The following LRP1B variants were observed in gnomAD, a reference collection of about 807,000 sequenced individuals.
LRP1B encodes the protein LDL receptor related protein 1B.
LRP1B carries 217 observed loss-of-function variants against 556.6 expected under a neutral mutation model. The observed-to-expected ratio is 0.39, with a 90% CI of 0.35 to 0.44. The LOEUF (loss-of-function observed/expected upper bound fraction) is 0.44, where lower values mean the gene tolerates loss of function less well. LRP1B is among the 20% of genes least tolerant of loss of function. The pLI, the probability that LRP1B is intolerant of heterozygous loss-of-function variation, is 1.00. For missense variants in LRP1B, 5,053 were observed against 5,620.8 expected, an observed-to-expected ratio of 0.90 and a Z score of 3.23; for synonymous variants, 2,047 against 1,865.8, an observed-to-expected ratio of 1.10 and a Z score of -2.50.
chr2:141,124,855 G>A (rs1701161968), intron 7 of LRP1B, among the ~76,000 whole-genome samples: 1 of 151,980 alleles, frequency 6.6e-6, no homozygotes, highest in Non-Finnish European at 1.5e-5. Flanking sequence ...CATATCTTGA[G>A]AGAGCTGGAA....
chr2:141,206,014 T>C (rs1682260967), intron 6 of LRP1B, among the ~76,000 whole-genome samples: 1 of 152,054 alleles, frequency 6.6e-6, no homozygotes, highest in Non-Finnish European at 1.5e-5. Flanking sequence ...ATGAGGCACC[T>C]TGGAGAAAAT....
intron 7 of LRP1B, among the ~76,000 whole-genome samples, chr2:141,164,209 T>C (rs535246896): frequency 1.2e-4 from 18 of 152,146 alleles, no homozygotes; most frequent in Non-Finnish European, 2.2e-4. Flanking sequence ...AAATAATCTA[T>C]TGAAGAGCCG....
intron 7 of LRP1B, among the ~76,000 whole-genome samples, chr2:141,098,119 C>T (rs1700365649): frequency 6.6e-6 from 1 of 152,200 alleles, no homozygotes; most frequent in East Asian, 1.9e-4. Context: ...ATATGAAAGC[C>T]TTTTGAGAAT....
At chr2:141,359,069 A>G (rs1688726140) in intron 3 of LRP1B, among the ~76,000 whole-genome samples, 1 of 152,130 alleles carries the variant, frequency 6.6e-6, no homozygotes, top group Non-Finnish European at 1.5e-5. Flanking sequence ...GATTACAATC[A>G]TAAAATAAGA....
At chr2:141,257,052 TAAGG>T (rs1438961587) in intron 3 of LRP1B, among the ~76,000 whole-genome samples, 1 of 151,142 alleles carries the variant, frequency 6.6e-6, no homozygotes, top group Non-Finnish European at 1.5e-5. Flanking sequence ...TCACAAAACC[TAAGG>T]AAGAAGAGTA....
intron 10 of LRP1B, among the ~76,000 whole-genome samples, chr2:141,052,328 C>T (rs996784555): frequency 2.0e-5 from 3 of 151,868 alleles, no homozygotes; most frequent in Admixed American, 6.6e-5. Context: ...TAGATACTTA[C>T]ATACTTTTAT....
chr2:140,351,710 C>T (rs979704006), intron 76 of LRP1B, among the ~76,000 whole-genome samples: 4 of 151,998 alleles, frequency 2.6e-5, no homozygotes, highest in Middle Eastern at 3.4e-3. Context: ...AAAATATTAA[C>T]GAAGCCCTAA....
chr2:141,330,735 T>C (rs1287271121), intron 3 of LRP1B, among the ~76,000 whole-genome samples: 2 of 150,760 alleles, frequency 1.3e-5, no homozygotes, highest in African/African-American at 2.5e-5. Context: ...TTCTACTTTT[T>C]TGGCTAACAA....
At chr2:142,093,975 C>A (rs1290957776) in intron 1 of LRP1B, among the ~76,000 whole-genome samples, 2 of 152,006 alleles carry the variant, frequency 1.3e-5, no homozygotes, top group African/African-American at 2.4e-5. Flanking sequence ...TTCTCACAAC[C>A]TAGAGGCTGG....
chr2:141,356,396 T>C (rs1028378162), intron 3 of LRP1B, among the ~76,000 whole-genome samples: 2 of 152,054 alleles, frequency 1.3e-5, no homozygotes, highest in African/African-American at 4.8e-5. Flanking sequence ...TTCCCAATAA[T>C]ATGATAACTC....
At chr2:140,303,153 T>G (rs982625288) in intron 83 of LRP1B, among the ~76,000 whole-genome samples, 1 of 150,970 alleles carries the variant, frequency 6.6e-6, no homozygotes, top group African/African-American at 2.4e-5. Context: ...CAATTTTTCT[T>G]CATAGATAGA....
intron 1 of LRP1B, among the ~76,000 whole-genome samples, chr2:141,908,525 G>A (rs1373494764): frequency 1.3e-5 from 2 of 151,950 alleles, no homozygotes; most frequent in Non-Finnish European, 2.9e-5. Flanking sequence ...TGTGCTCATA[G>A]TAAAACTGGC....
intron 5 of LRP1B, among the ~76,000 whole-genome samples, chr2:141,231,462 G>A (rs1236892643): frequency 6.6e-6 from 1 of 151,924 alleles, no homozygotes; most frequent in African/African-American, 2.4e-5. Context: ...GAGACCCAGA[G>A]GTAGCAAAAA....
In LRP1B at chr2:141,369,499, G is replaced by A. The variant is rs142780480; in HGVS notation, c.343+110897C>T. The stretch of plus-strand genomic sequence containing the variant: ...ATTTTAAAAAGTTACATTTAATTTT[G>A]TCTCAATTTTTAAACCCTCCCATGA... On this transcript the variant is annotated intron_variant, in intron 3 of 90. Transcript: ENST00000389484. Among the ~76,000 whole-genome samples the A allele has an allele frequency of 5.0e-3, 760 of 152,134 alleles. 9 individuals carry two copies. Among genetic ancestry groups the A allele is most frequent in the African/African-American group, 0.018 (734 of 41,518 alleles).
chr2:140,397,515 TAG>T (rs1378628190), intron 66 of LRP1B, among the ~76,000 whole-genome samples: 2 of 152,176 alleles, frequency 1.3e-5, no homozygotes, highest in African/African-American at 4.8e-5. Context: ...TATAGAAAAG[TAG>T]AAACAAATTG....
At chr2:141,944,190 A>G (rs1164031022) in intron 1 of LRP1B, among the ~76,000 whole-genome samples, 2 of 152,186 alleles carry the variant, frequency 1.3e-5, no homozygotes, top group Admixed American at 1.3e-4. Context: ...TGGGAGGAGT[A>G]TTTATGCTGG....
intron 79 of LRP1B, among the ~76,000 whole-genome samples, chr2:140,332,998 C>G (rs1680889017): frequency 6.6e-6 from 1 of 152,076 alleles, no homozygotes; most frequent in Admixed American, 6.6e-5. Context: ...TCAAATAGCT[C>G]TCTTCAAAGC....
rs1481660569 is a variant in LRP1B, at chr2:142,089,335, CATAACT to C, written c.82+41307_82+41312del. On this transcript the variant is annotated intron_variant, in intron 1 of 90. Transcript: ENST00000389484. Reference sequence around the variant, plus strand: ...TTTGTAAACTTATGCATAAGACAAACATAACTATAAGATATAAAGAAGAGTAAGGTG... The same window carrying C: ...TTTGTAAACTTATGCATAAGACAAACATAAGATATAAAGAAGAGTAAGGTG... Among the ~76,000 whole-genome samples the C allele has an allele frequency of 2.0e-5, 3 of 152,052 alleles. No individual in the cohort carries two copies. In the East Asian group the frequency reaches 5.8e-4, roughly 29 times the overall value.
intron 20 of LRP1B, among the ~76,000 whole-genome samples, chr2:140,937,155 C>T (rs1488253791): frequency 2.0e-5 from 3 of 151,838 alleles, no homozygotes; most frequent in Non-Finnish European, 2.9e-5. Flanking sequence ...AAAATGCCAA[C>T]TAAACATAAA....
Sources: gnomAD v4.1 joint callset for allele counts (sites outside exome capture counted in the v4.1 genomes callset) on GRCh38, gnomAD v4.1.1 for gene constraint, MANE v1.5 for transcripts, NCBI Gene and HGNC (gene_info 2026-07-23, HGNC 2026-07-21) for gene names.